Variants in AGO3 observed in about 807,000 individuals in gnomAD.
AGO3 encodes protein argonaute-3.
Under a neutral mutation model 105.5 loss-of-function variants are expected in AGO3, and 16 were observed. That is an observed-to-expected ratio of 0.15 (90% CI 0.10 to 0.23). AGO3 has a LOEUF of 0.23. AGO3 is among the 10% of genes least tolerant of loss of function. The pLI is 1.00. For synonymous variants in AGO3, 340 were observed against 367.3 expected (o/e 0.93, Z 0.85); for missense variants, 534 against 1,088.0 (o/e 0.49, Z 7.16).
At chr1:35,994,700 C>T (rs1648104046) in intron 5 of AGO3, among the ~76,000 whole-genome samples, 1 of 151,808 alleles carries the variant, frequency 6.6e-6, no homozygotes. Flanking sequence ...ATGCTAACTG[C>T]ATAAACAAAT....
chr1:35,982,966 T>C (rs969021014), intron 5 of AGO3: 3 of 229,342 alleles, frequency 1.3e-5, no homozygotes, highest in Non-Finnish European at 2.5e-5. Flanking sequence ...AGAGAGAGTT[T>C]ATGCAATTGT....
At chr1:36,001,822 A>G (rs1044698109) in intron 5 of AGO3, among the ~76,000 whole-genome samples, 2 of 152,164 alleles carry the variant, frequency 1.3e-5, no homozygotes, top group African/African-American at 4.8e-5. Context: ...ATGGTTACTT[A>G]TTAGAGCTAT....
intron 5 of AGO3, among the ~76,000 whole-genome samples, chr1:35,988,078 A>G (rs1218293209): frequency 6.6e-6 from 1 of 152,006 alleles, no homozygotes; most frequent in Non-Finnish European, 1.5e-5. Context: ...AAAGAAGAAA[A>G]AAAAGAAAAA....
intron 17 of AGO3, among the ~76,000 whole-genome samples, chr1:36,048,431 G>A (rs933198061): frequency 1.1e-4 from 16 of 152,036 alleles, no homozygotes; most frequent in East Asian, 3.9e-4. Context: ...GGAAATGTTC[G>A]AGGGAGGCAA....
intron 12 of AGO3, among the ~76,000 whole-genome samples, chr1:36,033,912 C>G (rs971499923): frequency 2.6e-5 from 4 of 152,112 alleles, no homozygotes; most frequent in African/African-American, 9.7e-5. Context: ...TCAGTTATTG[C>G]AGTTATGCTA....
chr1:36,045,100 G>A (rs1190736379), intron 17 of AGO3, among the ~76,000 whole-genome samples: 1 of 152,126 alleles, frequency 6.6e-6, no homozygotes, highest in African/African-American at 2.4e-5. Flanking sequence ...TACAATTAAT[G>A]TTGTACATTT....
In AGO3 at chr1:35,976,229, C is replaced by T. The variant is rs1432150671; in HGVS notation, c.658+2718C>T. Among the ~76,000 whole-genome samples the T allele has an allele frequency of 1.3e-5, 2 of 152,150 alleles. 1 individual carries two copies. The highest frequency in any genetic ancestry group is 2.9e-5 in the Non-Finnish European group (2 of 68,022). On this transcript the variant is annotated intron_variant, in intron 5 of 18. Transcript: ENST00000373191. ...GGATTACAGGCGTGAGCCACTGCAC[C>T]CAGGCCATTTCTTGTTATTCCAGGA...
At position 35,965,911 on chromosome 1, in the gene AGO3, T is replaced by C. The variant is rs186384263; in HGVS notation, c.192-1044T>C. 8.1e-3 allele frequency among the ~76,000 whole-genome samples: 1,225 copies of C among 150,362 alleles called. 16 individuals carry two copies. The highest frequency in any genetic ancestry group is 0.028 in the African/African-American group (1,146 of 40,904). Reference sequence around the variant, plus strand: ...CGTGATCTCGGCTCACCACAACCTCTGCCTTCTGGGTTCAAGCAATTCTCC... The same window carrying C: ...CGTGATCTCGGCTCACCACAACCTCCGCCTTCTGGGTTCAAGCAATTCTCC... On this transcript the variant is annotated intron_variant, in intron 2 of 18. Transcript: ENST00000373191.
intron 17 of AGO3, among the ~76,000 whole-genome samples, chr1:36,052,010 TTCCTCA>T (rs1642736190): frequency 6.6e-6 from 1 of 152,108 alleles, no homozygotes; most frequent in Non-Finnish European, 1.5e-5. Flanking sequence ...AGTATGGAAG[TTCCTCA>T]TAAAACTGAA....
rs574981573 is a variant in AGO3 at position 36,067,255 on chromosome 1, C to A, written c.*11510C>A. The stretch of plus-strand genomic sequence containing the variant: ...AAGAATTTTGGCATAGACAGTCCGA[C>A]CCAGTTCATGGATACAGTTTGATCC... On this transcript the variant is annotated 3_prime_UTR_variant, in exon 19 of 19. Transcript: ENST00000373191. 1 of 152,296 alleles carries A rather than the reference C, an allele frequency of 6.6e-6. No homozygotes were observed. Among genetic ancestry groups the A allele is most frequent in the East Asian group, 1.9e-4 (1 of 5,180 alleles). 9.4% of individuals were successfully genotyped at this position (152,296 alleles called of 1,614,324 possible). A position where few individuals can be genotyped will look rare whatever the true frequency, so the allele number is the denominator to read the frequency against.
chr1:35,971,102 AAAT>A (rs1646861463), intron 3 of AGO3, among the ~76,000 whole-genome samples: 1 of 146,812 alleles, frequency 6.8e-6, no homozygotes, highest in Non-Finnish European at 1.5e-5. Flanking sequence ...TATAAATTAT[AAAT>A]AATATATAAA....
At chr1:35,959,020 C>G (rs540389723) in intron 2 of AGO3, among the ~76,000 whole-genome samples, 6 of 152,184 alleles carry the variant, frequency 3.9e-5, no homozygotes, top group Admixed American at 1.3e-4. Flanking sequence ...CTTTTGGGAG[C>G]AGAGAATTAA....
intron 2 of AGO3, among the ~76,000 whole-genome samples, chr1:35,952,136 CTTTCTTTCTTTCTTTTTTT>C (rs1646483364): frequency 9.0e-6 from 1 of 111,522 alleles, no homozygotes; most frequent in East Asian, 6.1e-4. Flanking sequence ...TTCTTTCTTT[CTTTCTTTCTTTCTTTTTTT>C]TTTTTTTTTT....
chr1:35,975,255 C>G (rs1238726424), intron 5 of AGO3, among the ~76,000 whole-genome samples: 1 of 152,122 alleles, frequency 6.6e-6, no homozygotes, highest in Non-Finnish European at 1.5e-5. Context: ...CCACTAGAAT[C>G]ATCAAACTCT....
At chr1:36,037,055 T>A (rs1219284016) in intron 14 of AGO3, among the ~76,000 whole-genome samples, 1 of 152,090 alleles carries the variant, frequency 6.6e-6, no homozygotes, top group Non-Finnish European at 1.5e-5. Context: ...ATTTCTTTGC[T>A]CTCTGTGTTT....
intron 1 of AGO3, among the ~76,000 whole-genome samples, chr1:35,933,255 C>G (rs1646087356): frequency 6.6e-6 from 1 of 152,100 alleles, no homozygotes; most frequent in South Asian, 2.1e-4. Context: ...TCAAGATTGT[C>G]ATCAGAAACA....
intron 12 of AGO3, among the ~76,000 whole-genome samples, chr1:36,030,346 T>C (rs181250438): frequency 1.3e-5 from 2 of 151,574 alleles, no homozygotes; most frequent in African/African-American, 4.8e-5. Context: ...TGCAAAAAAA[T>C]AGAAAAATTA....
At chr1:36,049,647 T>G (rs867908419) in intron 17 of AGO3, among the ~76,000 whole-genome samples, 3 of 152,298 alleles carry the variant, frequency 2.0e-5, no homozygotes, top group Middle Eastern at 3.4e-3. Flanking sequence ...TCCAAATATA[T>G]GCTGCCTATG....
chr1:35,952,001 A>T lies in AGO3; in HGVS notation c.191+6138A>T, dbSNP rs189963694. On this transcript the variant is annotated intron_variant, in intron 2 of 18. Transcript: ENST00000373191. ...TAATTTTAGAACATTTCATCCTCTC[A>T]AAAAGAAACCCCATACTCATTAGCA... 4.4e-3 allele frequency among the ~76,000 whole-genome samples: 675 copies of T among 152,230 alleles called. 3 individuals carry two copies. The highest frequency in any genetic ancestry group is 6.7e-3 in the Non-Finnish European group (456 of 67,998).
Sources: allele counts gnomAD v4.1 joint callset (sites outside exome capture counted in the v4.1 genomes callset), GRCh38; gene constraint gnomAD v4.1.1; transcripts MANE v1.5; gene names NCBI Gene and HGNC (gene_info 2026-07-23, HGNC 2026-07-21).